NIBAN1: variants seen among roughly 807,000 people sequenced by gnomAD.
NIBAN1 encodes protein Niban 1.
In NIBAN1, 81 loss-of-function variants were observed where a neutral mutation model predicts 75.1. That is an observed-to-expected ratio of 1.08 (90% confidence interval 0.90 to 1.30). NIBAN1 has a LOEUF of 1.30. Among genes scored for constraint, NIBAN1 ranks in the 50% most tolerant of loss-of-function variants. NIBAN1 has a pLI of 0.00. For synonymous variants in NIBAN1, 436 were observed against 424.8 expected, an observed-to-expected ratio of 1.03 and a Z score of -0.32; for missense variants, 1,133 against 1,128.1, an observed-to-expected ratio of 1.00 and a Z score of -0.06.
intron 1 of NIBAN1, among the ~76,000 whole-genome samples, chr1:184,920,132 G>T (rs376338319): frequency 6.6e-6 from 1 of 152,158 alleles, no homozygotes; most frequent in Non-Finnish European, 1.5e-5. Context: ...CCTACAAGAC[G>T]TGTAAAAATG....
intron 5 of NIBAN1, among the ~76,000 whole-genome samples, chr1:184,853,135 A>G (rs540983): frequency 0.58 from 88,453 of 152,026 alleles, 26,138 homozygotes; most frequent in African/African-American, 0.67. Flanking sequence ...TTTTTATTTG[A>G]AAAAGTAGGT....
At chr1:184,932,353 G>C (rs768845529) in intron 1 of NIBAN1, among the ~76,000 whole-genome samples, 3 of 152,142 alleles carry the variant, frequency 2.0e-5, no homozygotes, top group Non-Finnish European at 4.4e-5. Context: ...GTCCCATCTG[G>C]GGGTGATGGG....
chr1:184,936,305 C>A (rs1657959821), intron 1 of NIBAN1, among the ~76,000 whole-genome samples: 1 of 152,106 alleles, frequency 6.6e-6, no homozygotes, highest in African/African-American at 2.4e-5. Flanking sequence ...CAGACAGTCT[C>A]CCAGGTTTTG....
intron 1 of NIBAN1, among the ~76,000 whole-genome samples, chr1:184,967,109 G>A (rs981323598): frequency 6.6e-6 from 1 of 152,082 alleles, no homozygotes; most frequent in Non-Finnish European, 1.5e-5. Context: ...GCAGCAACTT[G>A]CTAGTCTGTT....
intron 8 of NIBAN1, among the ~76,000 whole-genome samples, chr1:184,819,296 T>C (rs1407495988): frequency 1.3e-5 from 2 of 152,144 alleles, no homozygotes; most frequent in African/African-American, 4.8e-5. Context: ...AGTACATTCT[T>C]TTCTTGGGCC....
At chr1:184,956,428 C>T (rs1448226229) in intron 1 of NIBAN1, among the ~76,000 whole-genome samples, 1 of 152,146 alleles carries the variant, frequency 6.6e-6, no homozygotes, top group Non-Finnish European at 1.5e-5. Flanking sequence ...ACCTTCAACT[C>T]AAATTCAGCA....
At chr1:184,914,361 A>T (rs192522442) in intron 1 of NIBAN1, among the ~76,000 whole-genome samples, 21 of 152,328 alleles carry the variant, frequency 1.4e-4, no homozygotes, top group African/African-American at 3.8e-4. Context: ...ATTCCAAGAA[A>T]GGTTATTACT....
chr1:184,851,814 T>C (rs1010971523), intron 5 of NIBAN1, among the ~76,000 whole-genome samples: 3 of 151,448 alleles, frequency 2.0e-5, no homozygotes, highest in East Asian at 1.9e-4. Flanking sequence ...TAATTATCCT[T>C]AGGAATATAC....
intron 5 of NIBAN1, 27 bp downstream of exon 5, chr1:184,884,606 G>C (rs760422998): frequency 1.9e-6 from 3 of 1,611,194 alleles, no homozygotes; most frequent in African/African-American, 2.7e-5. Flanking sequence ...TTCCCGCCCC[G>C]GGGATGAGAG....
chr1:184,801,187 C>T (rs968723183), intron 12 of NIBAN1, among the ~76,000 whole-genome samples: 1 of 152,122 alleles, frequency 6.6e-6, no homozygotes, highest in African/African-American at 2.4e-5. Flanking sequence ...GTATTTACAG[C>T]AGGTGATCAG....
chr1:184,795,362 C>T lies in NIBAN1; in HGVS notation c.2402G>A (p.Gly801Glu). The T allele has an allele frequency of 7.5e-6, 12 of 1,609,188 alleles. No homozygotes were observed. Among genetic ancestry groups the T allele is most frequent in the Non-Finnish European group, 9.3e-6 (11 of 1,177,736 alleles). ...VGSPASPPAS[G>E]GLTEEPLGPM... ...CCCCAGGGGCTCCTCGGTGAGCCCT[C>T]CACTGGCTGGCGGAGAGGCTGGGCT... Residue 801 changes from glycine to glutamate, a missense_variant, in exon 14 of 14, where the codon GGA becomes GAA. By Grantham distance (98) the Gly-to-Glu change is moderately conservative. Coordinates refer to ENST00000367511, the MANE Select transcript of NIBAN1 (RefSeq NM_052966.4).
intron 5 of NIBAN1, among the ~76,000 whole-genome samples, chr1:184,863,384 G>A (rs565855730): frequency 5.6e-4 from 86 of 152,258 alleles, no homozygotes; most frequent in African/African-American, 2.0e-3. Context: ...AAAATGCAAC[G>A]GTGTCTTCAG....
intron 8 of NIBAN1, among the ~76,000 whole-genome samples, chr1:184,822,561 C>T (rs1188059137): frequency 1.3e-5 from 2 of 152,148 alleles, no homozygotes; most frequent in African/African-American, 2.4e-5. Flanking sequence ...GTGGGTCCTC[C>T]TAATTTCAGA....
chr1:184,797,143 T>TC (rs1653895954), intron 13 of NIBAN1, among the ~76,000 whole-genome samples: 1 of 113,752 alleles, frequency 8.8e-6, no homozygotes. Context: ...CCAGCTTTTT[T>TC]TTTTTTTTTT....
chr1:184,843,442 T>C (rs1655350387), intron 5 of NIBAN1, among the ~76,000 whole-genome samples: 1 of 151,744 alleles, frequency 6.6e-6, no homozygotes, highest in Non-Finnish European at 1.5e-5. Flanking sequence ...TCAGACACTT[T>C]CCCCCCCGCA....
chr1:184,947,403 A>G (rs1246424501), intron 1 of NIBAN1, among the ~76,000 whole-genome samples: 1 of 152,172 alleles, frequency 6.6e-6, no homozygotes, highest in Non-Finnish European at 1.5e-5. Context: ...AGGAATGGGG[A>G]GTTATTTAAT....
rs1189933795 is a variant in NIBAN1, at chr1:184,803,625, A to AGT, written c.1512_1513dup (p.Leu505HisfsTer31). ...CGCCAGTGCCTTCTGCACAGTGGGA[A>AGT]GTGTGATTTGAACTAGTGCCTCTTG... On this transcript the variant is annotated frameshift_variant, in exon 12 of 14. Transcript: ENST00000367511. LOFTEE classifies it high-confidence loss of function. 2 of 1,614,096 alleles carry AGT rather than the reference A, an allele frequency of 1.2e-6. No homozygotes were observed. Among genetic ancestry groups the AGT allele is most frequent in the African/African-American group, 2.7e-5 (2 of 74,940 alleles).
At chr1:184,840,620 T>C (rs531189733) in intron 5 of NIBAN1, among the ~76,000 whole-genome samples, 1 of 151,916 alleles carries the variant, frequency 6.6e-6, no homozygotes, top group Non-Finnish European at 1.5e-5. Context: ...TGTCAATAAA[T>C]ATTAAAAGAC....
chr1:184,897,190 A>G (rs58505704), intron 2 of NIBAN1, among the ~76,000 whole-genome samples: 9,279 of 151,498 alleles, frequency 0.061, 949 homozygotes, highest in African/African-American at 0.21. Context: ...ATGTGTTTCC[A>G]TTAGTTTGTG....
Sources: gnomAD v4.1 joint callset for allele counts (sites outside exome capture counted in the v4.1 genomes callset) on GRCh38, gnomAD v4.1.1 for gene constraint, MANE v1.5 for transcripts, NCBI Gene and HGNC (gene_info 2026-07-23, HGNC 2026-07-21) for gene names.